FSTL5: variants seen among roughly 807,000 people sequenced by gnomAD.
FSTL5 encodes follistatin like 5, also known as follistatin-related protein 5.
FSTL5 carries 62 observed loss-of-function variants against 89.1 expected under a neutral mutation model. The observed-to-expected ratio is 0.70, with a 90% CI of 0.57 to 0.86. The LOEUF (loss-of-function observed/expected upper bound fraction) is 0.86, where lower values mean the gene tolerates loss of function less well. Among genes scored for constraint, FSTL5 ranks in the 40% least tolerant of loss-of-function variants. The pLI is 0.00. For synonymous variants in FSTL5, 383 were observed against 346.2 expected, an observed-to-expected ratio of 1.11 and a Z score of -1.18; for missense variants, 1,057 against 1,001.6, an observed-to-expected ratio of 1.06 and a Z score of -0.75.
chr4:161,872,141 GTTT>G (rs1171950770), intron 4 of FSTL5, among the ~76,000 whole-genome samples: 3 of 79,558 alleles, frequency 3.8e-5, no homozygotes, highest in African/African-American at 1.6e-4. Flanking sequence ...TTTTTTTTTG[GTTT>G]TTTTTTTTTT....
At chr4:162,002,278 C>A (rs1374091373) in intron 3 of FSTL5, among the ~76,000 whole-genome samples, 1 of 152,148 alleles carries the variant, frequency 6.6e-6, no homozygotes, top group Non-Finnish European at 1.5e-5. Flanking sequence ...ACTTTAAAAT[C>A]TGTAAATGTC....
In FSTL5 at chr4:161,801,003, C is replaced by A. The variant is rs535029554; in HGVS notation, c.410-24929G>T. Among the ~76,000 whole-genome samples, 29 of 151,490 alleles carry A rather than the reference C, an allele frequency of 1.9e-4. 1 individual carries two copies. The highest frequency in any genetic ancestry group is 1.6e-3 in the Admixed American group (25 of 15,184). ...AGTTTGGAAGTACTAGGAACCATGA[C>A]AAAATAATGACAAATGATAGTGAAT... On this transcript the variant is annotated intron_variant, in intron 4 of 15. Coordinates refer to ENST00000306100, the MANE Select transcript of FSTL5 (RefSeq NM_020116.5).
At chr4:161,392,829 A>T (rs1730865347) in intron 15 of FSTL5, among the ~76,000 whole-genome samples, 1 of 152,164 alleles carries the variant, frequency 6.6e-6, no homozygotes, top group Admixed American at 6.6e-5. Flanking sequence ...GAAAATGTTT[A>T]TAAAGTACAG....
intron 4 of FSTL5, among the ~76,000 whole-genome samples, chr4:161,815,391 G>A (rs1273230130): frequency 6.6e-6 from 1 of 152,026 alleles, no homozygotes; most frequent in African/African-American, 2.4e-5. Context: ...CACTTGGAGA[G>A]AGAGAGAGAC....
At position 161,447,446 on chromosome 4, in the gene FSTL5, C is replaced by G. The variant is rs552596576; in HGVS notation, c.1841+7558G>C. On this transcript the variant is annotated intron_variant, in intron 15 of 15. Transcript: ENST00000306100. The stretch of plus-strand genomic sequence containing the variant: ...AGAGGTGCAGGTCTATTTTGTTCTT[C>G]CACTTTGGACACAAGACTCCTTTCT... Among the ~76,000 whole-genome samples the G allele has an allele frequency of 1.5e-3, 222 of 152,108 alleles. 1 individual carries two copies. The highest frequency in any genetic ancestry group is 4.5e-3 in the African/African-American group (188 of 41,514).
chr4:161,629,732 C>A (rs987541866), intron 7 of FSTL5, among the ~76,000 whole-genome samples: 1 of 152,032 alleles, frequency 6.6e-6, no homozygotes, highest in Admixed American at 6.6e-5. Context: ...TGTTTTTGGC[C>A]GAGTCAGTTC....
chr4:161,689,116 T>C (rs1737838085), intron 6 of FSTL5, among the ~76,000 whole-genome samples: 1 of 152,238 alleles, frequency 6.6e-6, no homozygotes, highest in Admixed American at 6.5e-5. Flanking sequence ...GTGAAGACTA[T>C]GGAAAGAGGG....
intron 4 of FSTL5, among the ~76,000 whole-genome samples, chr4:161,788,827 G>A (rs1040090856): frequency 1.3e-5 from 2 of 152,188 alleles, no homozygotes; most frequent in Admixed American, 6.5e-5. Context: ...GAGCCCATAA[G>A]TTTGAGGTTA....
At chr4:161,571,593 C>T (rs183165554) in intron 8 of FSTL5, among the ~76,000 whole-genome samples, 90 of 152,226 alleles carry the variant, frequency 5.9e-4, no homozygotes, top group African/African-American at 1.3e-3. Flanking sequence ...CTGAATACTG[C>T]GCAAGATTGA....
At chr4:161,824,192 G>C (rs558619365) in intron 4 of FSTL5, among the ~76,000 whole-genome samples, 1 of 152,266 alleles carries the variant, frequency 6.6e-6, no homozygotes, top group African/African-American at 2.4e-5. Context: ...TTTTATGTAA[G>C]GTGACAGATG....
intron 7 of FSTL5, among the ~76,000 whole-genome samples, chr4:161,606,168 G>GT (rs1222907896): frequency 1.3e-5 from 2 of 151,556 alleles, no homozygotes; most frequent in East Asian, 3.9e-4. Context: ...GCCAAGATCA[G>GT]TGAAGTTCAA....
At chr4:161,962,031 T>C (rs572821048) in intron 3 of FSTL5, among the ~76,000 whole-genome samples, 1 of 152,070 alleles carries the variant, frequency 6.6e-6, no homozygotes, top group South Asian at 2.1e-4. Context: ...GCTATATTAA[T>C]ATCACATAAT....
intron 3 of FSTL5, among the ~76,000 whole-genome samples, chr4:161,966,936 G>C (rs1032169445): frequency 1.3e-5 from 2 of 151,528 alleles, no homozygotes; most frequent in African/African-American, 4.8e-5. Context: ...GACCAACTTC[G>C]CTTTAAATAC....
chr4:161,899,366 A>G (rs976599949), intron 4 of FSTL5, among the ~76,000 whole-genome samples: 13 of 152,022 alleles, frequency 8.6e-5, no homozygotes, highest in Non-Finnish European at 1.6e-4. Context: ...GCCCAGCTGT[A>G]CTCTACCCTT....
At chr4:161,542,326 T>A (rs925478732) in intron 9 of FSTL5, among the ~76,000 whole-genome samples, 1 of 152,084 alleles carries the variant, frequency 6.6e-6, no homozygotes, top group Admixed American at 6.6e-5. Context: ...TAATTAATCA[T>A]TATGACAAGA....
chr4:162,083,127 G>C (rs1311705067), intron 2 of FSTL5, among the ~76,000 whole-genome samples: 2 of 151,682 alleles, frequency 1.3e-5, no homozygotes, highest in Admixed American at 1.3e-4. Context: ...ATTCATGCCA[G>C]AGACAATATA....
intron 5 of FSTL5, among the ~76,000 whole-genome samples, chr4:161,769,584 A>C (rs1741137472): frequency 6.6e-6 from 1 of 152,032 alleles, no homozygotes; most frequent in Non-Finnish European, 1.5e-5. Context: ...AAGAGCAAAA[A>C]GCATATAATC....
chr4:161,650,823 C>A (rs756730220), intron 7 of FSTL5, among the ~76,000 whole-genome samples: 1 of 152,088 alleles, frequency 6.6e-6, no homozygotes, highest in Admixed American at 6.5e-5. Flanking sequence ...AGTTACTGAA[C>A]GGTGAGCAAC....
intron 8 of FSTL5, among the ~76,000 whole-genome samples, chr4:161,550,272 C>G (rs1005243020): frequency 1.3e-5 from 2 of 151,852 alleles, no homozygotes; most frequent in African/African-American, 4.8e-5. Flanking sequence ...AAAAGTATTA[C>G]AATATACACA....
Sources: allele counts gnomAD v4.1 joint callset (sites outside exome capture counted in the v4.1 genomes callset), GRCh38; gene constraint gnomAD v4.1.1; transcripts MANE v1.5; gene names NCBI Gene and HGNC (gene_info 2026-07-23, HGNC 2026-07-21).